Variants in CLEC16A observed in about 807,000 individuals in gnomAD.
CLEC16A encodes C-type lectin domain containing 16A, also known as protein CLEC16A.
A neutral mutation model predicts 109.5 loss-of-function variants in CLEC16A; 51 were observed. That is an observed-to-expected ratio of 0.47 (90% confidence interval 0.37 to 0.59). CLEC16A has a LOEUF of 0.59. Among genes scored for constraint, CLEC16A ranks in the 20% least tolerant of loss-of-function variants. The pLI, the probability that CLEC16A is intolerant of heterozygous loss-of-function variation, is 0.00. For synonymous variants in CLEC16A, 673 were observed against 564.2 expected (o/e 1.19, Z -2.73); for missense variants, 1,339 against 1,394.0 (o/e 0.96, Z 0.63).
intron 22 of CLEC16A, among the ~76,000 whole-genome samples, chr16:11,130,221 T>C (rs1044528914): frequency 1.3e-5 from 2 of 152,188 alleles, no homozygotes; most frequent in Non-Finnish European, 2.9e-5. Context: ...TGCCCCCACT[T>C]AGTATCGTTG....
intron 8 of CLEC16A, 91 bp from the exon 9 acceptor site, chr16:10,979,238 G>C: frequency 8.3e-7 from 1 of 1,210,686 alleles, no homozygotes; most frequent in South Asian, 1.3e-5. Context: ...GGACGCCTTT[G>C]TTCACACAGA....
At chr16:11,029,541 C>A (rs536986058) in intron 13 of CLEC16A, among the ~76,000 whole-genome samples, 11 of 151,948 alleles carry the variant, frequency 7.2e-5, no homozygotes, top group African/African-American at 2.6e-4. Flanking sequence ...CACTGGACAG[C>A]AAGCTGGAGC....
intron 22 of CLEC16A, among the ~76,000 whole-genome samples, chr16:11,162,226 T>C (rs551100473): frequency 4.6e-5 from 7 of 152,296 alleles, no homozygotes; most frequent in Middle Eastern, 3.4e-3. Context: ...ACCGTGAAAC[T>C]GGGGGCTCCT....
rs2068662772 is a variant in CLEC16A at position 11,174,480 on chromosome 16, C to T, written c.2807-3855C>T. On this transcript the variant is annotated intron_variant, in intron 23 of 23. Transcript: ENST00000409790. The surrounding 1 kb of genome is among the most constrained non-coding windows in gnomAD (Gnocchi z 4.7). ...CCTCACCTCATGTGAAGACCAGATC[C>T]CCGGCCCTTGACCTTCGCGACAGTC... is the stretch of plus-strand genomic sequence containing the variant. 6.6e-6 allele frequency among the ~76,000 whole-genome samples: 1 copy of T among 152,252 alleles called. No homozygotes were observed. The highest frequency in any genetic ancestry group is 1.5e-5 in the Non-Finnish European group (1 of 68,046).
chr16:10,994,190 G>T (rs1456214656), intron 10 of CLEC16A, among the ~76,000 whole-genome samples: 1 of 152,140 alleles, frequency 6.6e-6, no homozygotes, highest in African/African-American at 2.4e-5. Flanking sequence ...AATGGAAGCG[G>T]CCTGCTACCT....
At chr16:11,015,116 AAAG>A (rs1251847041) in intron 11 of CLEC16A, among the ~76,000 whole-genome samples, 2 of 152,218 alleles carry the variant, frequency 1.3e-5, no homozygotes, top group Non-Finnish European at 2.9e-5. Flanking sequence ...AAACTATCAA[AAAG>A]AAGAGCAAGA....
intron 10 of CLEC16A, among the ~76,000 whole-genome samples, chr16:10,996,152 G>A (rs2044313719): frequency 6.6e-6 from 1 of 152,180 alleles, no homozygotes; most frequent in Admixed American, 6.5e-5. Flanking sequence ...CTGAATAGAT[G>A]CTGAGAAACC....
chr16:11,178,621 T>C lies in CLEC16A; in HGVS notation c.3093T>C (p.Ala1031=), dbSNP rs1358633955. The part of the protein sequence containing the change: ...LTGMPPLSTP[A]AACTEPVGEE... ...GCATGCCCCCGCTGTCCACGCCGGC[T>C]GCCGCCTGCACAGAGCCCGTGGGCG... The change falls in exon 24 of 24, where the codon GCT becomes GCC. Residue 1031 remains alanine (A), a synonymous_variant. Coordinates refer to ENST00000409790, the MANE Select transcript of CLEC16A (RefSeq NM_015226.3). This position sits in a 1 kb window ranked among gnomAD's most constrained non-coding sequence, Gnocchi z 6.5. 1.3e-6 allele frequency: 2 copies of C among 1,599,964 alleles called. No individual in the cohort carries two copies. Among genetic ancestry groups the C allele is most frequent in the African/African-American group, 2.7e-5 (2 of 74,792 alleles).
chr16:10,964,195 G>A (rs2042391415), intron 3 of CLEC16A, among the ~76,000 whole-genome samples: 2 of 152,234 alleles, frequency 1.3e-5, no homozygotes, highest in African/African-American at 4.8e-5. Flanking sequence ...CGCAGCCGCC[G>A]CTAGGTGGTG....
At position 11,181,501 on chromosome 16, in the gene CLEC16A, G is replaced by C. The variant is rs189522674; in HGVS notation, c.*2811G>C. On this transcript the variant is annotated 3_prime_UTR_variant, in exon 24 of 24. Coordinates refer to ENST00000409790, the MANE Select transcript of CLEC16A (RefSeq NM_015226.3). ...CTCCGGCTGGGTTTGCCAAGTCAGG[G>C]AGCAGGGCTGGCCGCAGGAACTCCC... 1 of 152,498 alleles carries C rather than the reference G, an allele frequency of 6.6e-6. No individual in the cohort carries two copies. Among genetic ancestry groups the C allele is most frequent in the Non-Finnish European group, 1.5e-5 (1 of 68,130 alleles). 9.4% of individuals were successfully genotyped at this position (152,498 alleles called of 1,614,324 possible).
intron 12 of CLEC16A, among the ~76,000 whole-genome samples, 188 bp downstream of exon 12, chr16:11,020,513 T>C (rs575419018): frequency 6.6e-6 from 1 of 152,190 alleles, no homozygotes; most frequent in Admixed American, 6.5e-5. Flanking sequence ...CTCAACACTG[T>C]AATGCTCACT....
chr16:10,999,658 A>G (rs980930071), intron 10 of CLEC16A, among the ~76,000 whole-genome samples: 5 of 152,186 alleles, frequency 3.3e-5, no homozygotes, highest in Admixed American at 6.5e-5. Flanking sequence ...TTTCCCCAGT[A>G]AGCATGCCCT....
rs1311952461 is a variant in CLEC16A at position 10,944,586 on chromosome 16, A to G, written c.-132A>G. On this transcript the variant is annotated 5_prime_UTR_variant, in exon 1 of 24. Coordinates refer to ENST00000409790, the MANE Select transcript of CLEC16A (RefSeq NM_015226.3). ...GTCAGTGCTGGGCTGTGGGCCGGGG[A>G]GGAAGGCGGCTCGCGGTTCCTCCAC... is the stretch of plus-strand genomic sequence containing the variant. The G allele has an allele frequency of 2.3e-6, 2 of 853,774 alleles. No homozygotes were observed. Among genetic ancestry groups the G allele is most frequent in the Non-Finnish European group, 3.6e-6 (2 of 551,886 alleles). The allele number at this position is 853,774 out of a possible 1,614,324, so 52.9% of individuals were successfully genotyped here.
chr16:10,944,892 G>A (rs1181173344), intron 1 of CLEC16A, 95 bp downstream of exon 1: 5 of 1,218,306 alleles, frequency 4.1e-6, no homozygotes, highest in Admixed American at 2.2e-5. Flanking sequence ...TGAGAGCGGC[G>A]GCGAAGGGCG....
At chr16:11,101,382 C>T (rs1266751659) in intron 19 of CLEC16A, among the ~76,000 whole-genome samples, 2 of 152,220 alleles carry the variant, frequency 1.3e-5, no homozygotes, top group Non-Finnish European at 2.9e-5. Flanking sequence ...CAACAAAGGA[C>T]AGGAGTTTCC....
chr16:11,138,241 G>A (rs776365709), intron 22 of CLEC16A, among the ~76,000 whole-genome samples: 6 of 152,238 alleles, frequency 3.9e-5, no homozygotes, highest in Admixed American at 3.9e-4. Flanking sequence ...CCTGGGGTCA[G>A]GGGGAGGGAC....
intron 9 of CLEC16A, among the ~76,000 whole-genome samples, chr16:10,981,823 C>T (rs1567537647): frequency 6.6e-6 from 1 of 152,214 alleles, no homozygotes; most frequent in Non-Finnish European, 1.5e-5. Flanking sequence ...GGGTTCTTAA[C>T]TAGGGGCAAT....
intron 22 of CLEC16A, among the ~76,000 whole-genome samples, chr16:11,158,969 C>A (rs1025857450): frequency 1.4e-3 from 210 of 151,280 alleles, no homozygotes; most frequent in Non-Finnish European, 2.7e-3. Flanking sequence ...TGCATACAAA[C>A]GGCTCACAAG....
rs189252846 is a variant in CLEC16A, at chr16:11,074,406, G to A, written c.2116+13384G>A. Among the ~76,000 whole-genome samples, 184 of 152,296 alleles carry A rather than the reference G, an allele frequency of 1.2e-3. 2 individuals carry two copies. Among genetic ancestry groups the A allele is most frequent in the African/African-American group, 4.3e-3 (179 of 41,552 alleles). On this transcript the variant is annotated intron_variant, in intron 19 of 23. Coordinates refer to ENST00000409790, the MANE Select transcript of CLEC16A (RefSeq NM_015226.3). ...AAATTTGTATCCTATAAACTGACTGGAAATGGGATTGTAATAGAGCTGTCA... is the reference window on the plus strand; with the variant it reads ...AAATTTGTATCCTATAAACTGACTGAAAATGGGATTGTAATAGAGCTGTCA...
Sources: gnomAD v4.1 joint callset for allele counts (sites outside exome capture counted in the v4.1 genomes callset) on GRCh38, gnomAD v4.1.1 for gene constraint, Gnocchi (gnomAD v3.1) non-coding constraint, MANE v1.5 for transcripts, NCBI Gene and HGNC (gene_info 2026-07-23, HGNC 2026-07-21) for gene names.